The following SHB variants were observed in gnomAD, a reference collection of about 807,000 sequenced individuals.
SHB encodes SH2 domain-containing adapter protein B.
In SHB, 20 loss-of-function variants were observed where a neutral mutation model predicts 52.3. That is an observed-to-expected ratio of 0.38 (90% CI 0.27 to 0.56). SHB has a LOEUF of 0.56. SHB is among the 20% of genes least tolerant of loss of function. The pLI is 0.71. For synonymous variants in SHB, 397 were observed against 316.5 expected (o/e 1.25, Z -2.70); for missense variants, 825 against 723.3 (o/e 1.14, Z -1.61).
chr9:38,050,274 G>T (rs537858150), intron 1 of SHB, among the ~76,000 whole-genome samples: 1 of 152,144 alleles, frequency 6.6e-6, no homozygotes, highest in South Asian at 2.1e-4. Context: ...AATGGGAAAG[G>T]TTCCCTTTTA....
chr9:37,948,776 G>C (rs1832524687), intron 4 of SHB, 22 bp from the exon 5 acceptor site: 1 of 1,613,080 alleles, frequency 6.2e-7, no homozygotes, highest in Non-Finnish European at 8.5e-7. Context: ...GCAGAGAGTG[G>C]TCAGAGCCCA....
At chr9:38,000,916 T>C (rs1246740934) in intron 2 of SHB, among the ~76,000 whole-genome samples, 1 of 152,196 alleles carries the variant, frequency 6.6e-6, no homozygotes, top group Non-Finnish European at 1.5e-5. Flanking sequence ...CCTTAGCCTC[T>C]CTGAGACCTC....
chr9:37,928,329 A>G (rs1832273796), intron 5 of SHB, among the ~76,000 whole-genome samples: 1 of 152,228 alleles, frequency 6.6e-6, no homozygotes, highest in Admixed American at 6.5e-5. Flanking sequence ...CAGGCTTCTC[A>G]TGCCTGTGCC....
chr9:38,010,803 C>T (rs570357555), intron 2 of SHB, among the ~76,000 whole-genome samples: 2 of 152,360 alleles, frequency 1.3e-5, no homozygotes, highest in East Asian at 1.9e-4. Flanking sequence ...GGAGCCCCTG[C>T]AATGACCGAG....
At chr9:37,937,434 C>T (rs1832383834) in intron 5 of SHB, among the ~76,000 whole-genome samples, 1 of 151,842 alleles carries the variant, frequency 6.6e-6, no homozygotes, top group Non-Finnish European at 1.5e-5. Context: ...TTCTGATATT[C>T]CTCTTGGGTG....
chr9:38,032,291 G>A (rs1821425837), intron 1 of SHB, among the ~76,000 whole-genome samples: 1 of 152,150 alleles, frequency 6.6e-6, no homozygotes, highest in Admixed American at 6.5e-5. Context: ...AAATGTCTAG[G>A]AACCCTGCCA....
intron 1 of SHB, among the ~76,000 whole-genome samples, chr9:38,037,241 T>A (rs1476795185): frequency 6.6e-6 from 1 of 152,128 alleles, no homozygotes; most frequent in Non-Finnish European, 1.5e-5. Context: ...TTGTCTGTAG[T>A]CTGTGTAAAG....
rs557351176 is a variant in SHB at position 38,043,802 on chromosome 9, T to C, written c.717+24127A>G. 4.0e-3 allele frequency among the ~76,000 whole-genome samples: 601 copies of C among 151,442 alleles called. 9 individuals carry two copies. The highest frequency in any genetic ancestry group is 0.014 in the African/African-American group (578 of 41,186). ...TACTTGGGAGGCTGAGGCAGGAGAA[T>C]GGCTTGAACCCGGGAGGTGGAGGTT... On this transcript the variant is annotated intron_variant, in intron 1 of 5. Transcript: ENST00000377707.
intron 4 of SHB, among the ~76,000 whole-genome samples, chr9:37,950,204 C>T (rs1024226754): frequency 6.6e-6 from 1 of 152,052 alleles, no homozygotes; most frequent in Non-Finnish European, 1.5e-5. Context: ...CCCAAAGTGT[C>T]AGGATTACAG....
intron 1 of SHB, among the ~76,000 whole-genome samples, chr9:38,050,490 T>C (rs543324739): frequency 6.6e-6 from 1 of 152,318 alleles, no homozygotes; most frequent in East Asian, 1.9e-4. Context: ...AAGCCCTGAT[T>C]TCCCTTTTTG....
chr9:37,988,031 C>T (rs1165575772), intron 2 of SHB, among the ~76,000 whole-genome samples: 3 of 152,180 alleles, frequency 2.0e-5, no homozygotes, highest in Admixed American at 6.5e-5. Flanking sequence ...ATACCTGGGG[C>T]GTCACAGGGT....
chr9:37,941,686 C>A (rs994782509), intron 5 of SHB, among the ~76,000 whole-genome samples: 13 of 152,178 alleles, frequency 8.5e-5, no homozygotes, highest in Non-Finnish European at 1.8e-4. Flanking sequence ...AATACAGTGA[C>A]CTACTAAGTC....
In SHB at chr9:37,970,162, C is replaced by T. The variant is rs563268944; in HGVS notation, c.1054+4460G>A. On this transcript the variant is annotated intron_variant, in intron 3 of 5. Coordinates refer to ENST00000377707, the MANE Select transcript of SHB (RefSeq NM_003028.3). Reference sequence around the variant, plus strand: ...GGGCATTGTCCTGGGGATTGGGATCCGACAAGTGGGAGTGGGGGTCTGGTG... The same window carrying T: ...GGGCATTGTCCTGGGGATTGGGATCTGACAAGTGGGAGTGGGGGTCTGGTG... Among the ~76,000 whole-genome samples the T allele has an allele frequency of 2.0e-5, 3 of 152,160 alleles. No individual in the cohort carries two copies. The South Asian group carries it at 6.2e-4, about 32-fold the overall frequency.
rs1009170345 is a variant in SHB at position 38,068,164 on chromosome 9, A to C, written c.482T>G (p.Leu161Arg). The C allele has an allele frequency of 6.9e-7, 1 of 1,440,104 alleles. No homozygotes were observed. Among genetic ancestry groups the C allele is most frequent in the Non-Finnish European group, 9.0e-7 (1 of 1,110,004 alleles). The allele number at this position is 1,440,104 out of a possible 1,614,324, so 89.2% of individuals were successfully genotyped here. A position where few individuals can be genotyped will look rare whatever the true frequency, so the allele number is the denominator to read the frequency against. ...SSSSSSGSPH[L>R]YRSSSERRPA... is the part of the protein sequence containing the mutation. Reference sequence around the variant, plus strand: ...CCGCCGCTCGCTGCTGCTGCGGTAGAGATGCGGAGAGCCGGAGGACGAGGA... The same window carrying C: ...CCGCCGCTCGCTGCTGCTGCGGTAGCGATGCGGAGAGCCGGAGGACGAGGA... Residue 161 changes from leucine to arginine, a missense_variant, in exon 1 of 6, where the codon CTC becomes CGC. By Grantham distance (102) the Leu-to-Arg change is moderately radical. Transcript: ENST00000377707.
At chr9:37,941,828 T>C (rs895464497) in intron 5 of SHB, among the ~76,000 whole-genome samples, 4 of 152,002 alleles carry the variant, frequency 2.6e-5, no homozygotes, top group African/African-American at 9.7e-5. Flanking sequence ...CGGAGCTAGG[T>C]GTCTGGAGTC....
At chr9:38,003,927 G>A (rs1438506901) in intron 2 of SHB, among the ~76,000 whole-genome samples, 1 of 152,210 alleles carries the variant, frequency 6.6e-6, no homozygotes, top group African/African-American at 2.4e-5. Flanking sequence ...GTTGCTGGGG[G>A]CCTCCTGGCT....
At chr9:37,942,338 C>T (rs902855867) in intron 5 of SHB, among the ~76,000 whole-genome samples, 1 of 152,226 alleles carries the variant, frequency 6.6e-6, no homozygotes, top group Non-Finnish European at 1.5e-5. Flanking sequence ...GGAGATGGGA[C>T]CTTCCTGCCA....
chr9:38,035,460 G>A (rs1358375763), intron 1 of SHB, among the ~76,000 whole-genome samples: 1 of 151,980 alleles, frequency 6.6e-6, no homozygotes, highest in Non-Finnish European at 1.5e-5. Flanking sequence ...AGTGTTGAAG[G>A]GGTTGCTCCA....
chr9:37,992,753 CA>C (rs558456737), intron 2 of SHB, among the ~76,000 whole-genome samples: 13 of 152,222 alleles, frequency 8.5e-5, no homozygotes, highest in Non-Finnish European at 1.9e-4. Context: ...CAAGGATCAT[CA>C]ACCACAGGAC....
Sources: gnomAD v4.1 joint callset for allele counts (sites outside exome capture counted in the v4.1 genomes callset) on GRCh38, gnomAD v4.1.1 for gene constraint, MANE v1.5 for transcripts, NCBI Gene and HGNC (gene_info 2026-07-23, HGNC 2026-07-21) for gene names.